MACROH2A1: variants seen among roughly 807,000 people sequenced by gnomAD.
MACROH2A1 encodes core histone macro-H2A.1.
Under a neutral mutation model 31.6 loss-of-function variants are expected in MACROH2A1, and 2 were observed. That is an observed-to-expected ratio of 0.06 (90% confidence interval 0.03 to 0.20). The LOEUF (loss-of-function observed/expected upper bound fraction) is 0.20, where lower values mean the gene tolerates loss of function less well. Ranked by LOEUF, MACROH2A1 falls within the 10% of genes least tolerant of loss-of-function variation. The pLI, the probability that MACROH2A1 is intolerant of heterozygous loss-of-function variation, is 1.00. For synonymous variants in MACROH2A1, 169 were observed against 189.6 expected (o/e 0.89, Z 0.89); for missense variants, 230 against 474.0 (o/e 0.49, Z 4.78).
At chr5:135,343,605 G>A (rs1760310318) in intron 7 of MACROH2A1, 171 bp from the exon 8 acceptor site, 1 of 1,035,920 alleles carries the variant, frequency 9.7e-7, no homozygotes, top group South Asian at 1.6e-5. Flanking sequence ...ACGTGAGCTG[G>A]AGCCAAGCCA....
rs1255026303 is a variant in MACROH2A1 at position 135,335,104 on chromosome 5, G to C, written c.991C>G (p.Leu331Val). Residue 331 changes from leucine to valine, a missense_variant, in exon 9 of 9, where the codon CTG becomes GTG. Physicochemically the swap from Leu to Val is conservative, Grantham distance 32. Coordinates refer to ENST00000511689, the MANE Select transcript of MACROH2A1 (RefSeq NM_138610.3). ...ACGAAGTAACTGGAGATGGCCTTCA[G>C]AATCAGCTGAGCTGCTGTCTGCTTT... ...FPKQTAAQLI[L>V]KAISSYFVST... is the part of the protein sequence containing the mutation. The C allele has an allele frequency of 1.2e-6, 2 of 1,613,984 alleles. No individual in the cohort carries two copies. Among genetic ancestry groups the C allele is most frequent in the Non-Finnish European group, 1.7e-6 (2 of 1,179,820 alleles).
intron 8 of MACROH2A1, chr5:135,337,887 T>A (rs1759062070): frequency 9.8e-7 from 1 of 1,018,340 alleles, no homozygotes; most frequent in Admixed American, 4.8e-5. Context: ...CTGGATTTGT[T>A]TCCAGGACAA....
intron 6 of MACROH2A1, among the ~76,000 whole-genome samples, chr5:135,349,877 A>T (rs923698067): frequency 6.6e-6 from 1 of 152,228 alleles, no homozygotes; most frequent in Non-Finnish European, 1.5e-5. Flanking sequence ...TCCCATCATT[A>T]CCATTACTTA....
At chr5:135,363,643 G>C (rs753368729) in intron 4 of MACROH2A1, among the ~76,000 whole-genome samples, 7 of 152,194 alleles carry the variant, frequency 4.6e-5, no homozygotes, top group Non-Finnish European at 1.0e-4. Flanking sequence ...ACATATGTGT[G>C]CATGTGTCTT....
chr5:135,369,672 C>T lies in MACROH2A1; in HGVS notation c.280-69G>A. 1.6e-6 allele frequency: 2 copies of T among 1,257,966 alleles called. No individual in the cohort carries two copies. Among genetic ancestry groups the T allele is most frequent in the Non-Finnish European group, 1.2e-6 (1 of 862,398 alleles). 77.9% of individuals were successfully genotyped at this position (1,257,966 alleles called of 1,614,324 possible). A position where few individuals can be genotyped will look rare whatever the true frequency, so the allele number is the denominator to read the frequency against. On this transcript the variant is annotated intron_variant, in intron 3 of 8. Coordinates refer to ENST00000511689, the MANE Select transcript of MACROH2A1 (RefSeq NM_138610.3). This position sits in a 1 kb window ranked among gnomAD's most constrained non-coding sequence, Gnocchi z 4.3. Reference sequence around the variant, plus strand: ...GCTTCTAACCTTCAAGAAGCCAGCCCTGCCCAGGACAGTCTTGCTTTGGGT... The same window carrying T: ...GCTTCTAACCTTCAAGAAGCCAGCCTTGCCCAGGACAGTCTTGCTTTGGGT...
intron 2 of MACROH2A1, among the ~76,000 whole-genome samples, chr5:135,372,351 TG>T (rs1764276097): frequency 6.6e-6 from 1 of 152,140 alleles, no homozygotes; most frequent in African/African-American, 2.4e-5. Flanking sequence ...TGGAATCTGG[TG>T]GAGGGGCTCA....
intron 6 of MACROH2A1, chr5:135,347,304 A>C (rs1207670671): frequency 6.6e-6 from 1 of 152,242 alleles, no homozygotes; most frequent in East Asian, 1.9e-4. Context: ...GCTTTGTCCC[A>C]AATAAGAACC....
chr5:135,389,175 G>T, intron 1 of MACROH2A1, 49 bp from the exon 2 acceptor site: 1 of 1,425,474 alleles, frequency 7.0e-7, no homozygotes, highest in Non-Finnish European at 9.6e-7. Flanking sequence ...GACAGCACAT[G>T]TCCCCTTTCC....
chr5:135,334,806 T>C lies in MACROH2A1; in HGVS notation c.*170A>G. On this transcript the variant is annotated 3_prime_UTR_variant, in exon 9 of 9. Transcript: ENST00000511689. ...AACTATCAGTGCTAACATAAAAACA[T>C]TTTAGAAGGTCAAAAACAATTAAAC... is the stretch of plus-strand genomic sequence containing the variant. 1.7e-6 allele frequency: 1 copy of C among 605,572 alleles called. No individual in the cohort carries two copies. The allele number at this position is 605,572 out of a possible 1,614,324, so 37.5% of individuals were successfully genotyped here.
At chr5:135,351,763 A>G (rs1225511807) in intron 6 of MACROH2A1, among the ~76,000 whole-genome samples, 1 of 150,872 alleles carries the variant, frequency 6.6e-6, no homozygotes, top group East Asian at 1.9e-4. Flanking sequence ...AGGTCTCACT[A>G]TCTTGCCCAG....
chr5:135,391,945 G>T (rs1416142292), intron 1 of MACROH2A1, among the ~76,000 whole-genome samples: 1 of 152,152 alleles, frequency 6.6e-6, no homozygotes, highest in Non-Finnish European at 1.5e-5. Flanking sequence ...CTGAGCTTCT[G>T]AGCTAGCCAC....
In MACROH2A1 at chr5:135,334,747, G is replaced by A. The variant is rs930294685; in HGVS notation, c.*229C>T. 19 of 455,000 alleles carry A rather than the reference G, an allele frequency of 4.2e-5. No homozygotes were observed. Among genetic ancestry groups the A allele is most frequent in the South Asian group, 2.8e-4 (7 of 25,370 alleles). The allele number at this position is 455,000 out of a possible 1,614,324, so 28.2% of individuals were successfully genotyped here. On this transcript the variant is annotated 3_prime_UTR_variant, in exon 9 of 9. Transcript: ENST00000511689. The stretch of plus-strand genomic sequence containing the variant: ...TCCTAGGTTACACTAAGTCAGACAC[G>A]GTCTGGAACACAGTGCTTAACAACA...
At chr5:135,364,101 G>C (rs1028891521) in intron 4 of MACROH2A1, among the ~76,000 whole-genome samples, 3 of 152,154 alleles carry the variant, frequency 2.0e-5, no homozygotes, top group Admixed American at 6.5e-5. Context: ...GGACATGGAT[G>C]AAACTGGAAA....
Position 135,388,924 on chromosome 5 carries a change from G to A in MACROH2A1, c.170C>T (p.Thr57Ile). The change falls in exon 2 of 9, where the codon ACA becomes ATA. Residue 57 changes from threonine (T) to isoleucine (I), a missense_variant and splice_region_variant. By Grantham distance (89) the Thr-to-Ile change is moderately conservative. Around this residue, in one of 2 missense-constraint regions of MACROH2A1, gnomAD observed 47 missense variants for 154.7 expected, o/e 0.30. Coordinates refer to ENST00000511689, the MANE Select transcript of MACROH2A1 (RefSeq NM_138610.3). Reference protein sequence around the residue: ...VYMAAVLEYLTAEILELAGNA... With the variant: ...VYMAAVLEYLIAEILELAGNA... ...TGGGTTGACTGAGGTACACTCACCT[G>A]TCAGGTATTCCAGGACGGCGGCCAT... The A allele has an allele frequency of 6.2e-7, 1 of 1,603,320 alleles. No individual in the cohort carries two copies. Among genetic ancestry groups the A allele is most frequent in the Non-Finnish European group, 8.5e-7 (1 of 1,171,364 alleles).
At chr5:135,373,219 G>A (rs1331744322) in intron 2 of MACROH2A1, among the ~76,000 whole-genome samples, 1 of 152,134 alleles carries the variant, frequency 6.6e-6, no homozygotes, top group Non-Finnish European at 1.5e-5. Context: ...GGGAGGAGGG[G>A]AGGGATGTGG....
intron 2 of MACROH2A1, among the ~76,000 whole-genome samples, chr5:135,387,828 G>A (rs1222552475): frequency 6.6e-6 from 1 of 152,094 alleles, no homozygotes; most frequent in Non-Finnish European, 1.5e-5. Flanking sequence ...TTGGAGAGAA[G>A]GCTGAGTCCC....
chr5:135,386,551 G>A (rs970933403), intron 2 of MACROH2A1, among the ~76,000 whole-genome samples: 1 of 152,184 alleles, frequency 6.6e-6, no homozygotes, highest in African/African-American at 2.4e-5. Context: ...TGATAGTGAT[G>A]GGCTCTCCTG....
At chr5:135,345,348 G>C (rs1207233488) in intron 7 of MACROH2A1, 1 of 152,240 alleles carries the variant, frequency 6.6e-6, no homozygotes, top group African/African-American at 2.4e-5. Flanking sequence ...GGAAGTGGGT[G>C]ATCTGTCCTC....
intron 2 of MACROH2A1, among the ~76,000 whole-genome samples, chr5:135,370,981 T>C (rs1764106408): frequency 6.6e-6 from 1 of 152,222 alleles, no homozygotes; most frequent in Admixed American, 6.5e-5. Flanking sequence ...TGCCTACAAC[T>C]TGCCCTCCAT....
Sources: gnomAD v4.1 joint callset for allele counts (sites outside exome capture counted in the v4.1 genomes callset) on GRCh38, gnomAD v4.1.1 for gene constraint, gnomAD v4.1.1 regional missense constraint, Gnocchi (gnomAD v3.1) non-coding constraint, MANE v1.5 for transcripts, NCBI Gene and HGNC (gene_info 2026-07-23, HGNC 2026-07-21) for gene names.